The following CAPZB variants were observed in gnomAD, a reference collection of about 807,000 sequenced individuals.
The protein encoded by CAPZB is capping actin protein of muscle Z-line subunit beta, also known as F-actin-capping protein subunit beta.
A neutral mutation model predicts 38.1 loss-of-function variants in CAPZB; 2 were observed. The ratio of observed to expected loss-of-function variants is 0.05; its 90% CI spans 0.02 to 0.17. CAPZB has a LOEUF of 0.17. Among genes scored for constraint, CAPZB ranks in the 10% least tolerant of loss-of-function variants. The pLI is 1.00. For missense variants in CAPZB, 161 were observed against 334.2 expected, an observed-to-expected ratio of 0.48 and a Z score of 4.04; for synonymous variants, 107 against 127.4, an observed-to-expected ratio of 0.84 and a Z score of 1.08.
chr1:19,485,302 C>T, intron 1 of CAPZB, 134 bp downstream of exon 1: 1 of 547,788 alleles, frequency 1.8e-6, no homozygotes, highest in East Asian at 3.5e-5. Context: ...GGGACCGGGT[C>T]CACCCAGGGT....
intron 2 of CAPZB, among the ~76,000 whole-genome samples, chr1:19,399,771 T>C (rs529227650): frequency 6.6e-4 from 100 of 152,312 alleles, no homozygotes; most frequent in African/African-American, 2.3e-3. Context: ...TTTCCAAATG[T>C]TTGAAAACCA....
chr1:19,471,557 TC>T (rs2100778379), intron 1 of CAPZB, among the ~76,000 whole-genome samples: 1 of 114,878 alleles, frequency 8.7e-6, no homozygotes, highest in East Asian at 2.4e-4. Flanking sequence ...CCAGTTCTTG[TC>T]TGTTACGTCG....
intron 1 of CAPZB, among the ~76,000 whole-genome samples, chr1:19,481,604 C>G (rs2094628888): frequency 6.6e-6 from 1 of 152,180 alleles, no homozygotes; most frequent in Non-Finnish European, 1.5e-5. Flanking sequence ...ACAGGCTGGA[C>G]AAAGCTACCC....
At chr1:19,483,490 CCA>C (rs1271996896) in intron 1 of CAPZB, among the ~76,000 whole-genome samples, 3 of 152,240 alleles carry the variant, frequency 2.0e-5, no homozygotes, top group Non-Finnish European at 4.4e-5. Flanking sequence ...GTGAAGCACA[CCA>C]CAGTGACTGG....
At position 19,452,877 on chromosome 1, in the gene CAPZB, C is replaced by A. The variant is rs943231821; in HGVS notation, c.3+32559G>T. Among the ~76,000 whole-genome samples, 4 of 149,740 alleles carry A rather than the reference C, an allele frequency of 2.7e-5. No individual in the cohort carries two copies. In the Admixed American group the frequency reaches 2.7e-4, roughly 10 times the overall value. On this transcript the variant is annotated intron_variant, in intron 1 of 8. Transcript: ENST00000264202. ...AGAATGCAGTGGAGCGCTCTTGGCTCACTGCAACCTCTGCCTCCTGAGTTC... is the reference window on the plus strand; with the variant it reads ...AGAATGCAGTGGAGCGCTCTTGGCTAACTGCAACCTCTGCCTCCTGAGTTC...
At chr1:19,354,050 A>G (rs17477654) in intron 6 of CAPZB, among the ~76,000 whole-genome samples, 28,774 of 152,280 alleles carry the variant, frequency 0.19, 3,242 homozygotes, top group South Asian at 0.3. Flanking sequence ...AATTAAGACC[A>G]AAACAGTTGT....
At chr1:19,390,559 G>C (rs1212669594) in intron 2 of CAPZB, among the ~76,000 whole-genome samples, 1 of 152,188 alleles carries the variant, frequency 6.6e-6, no homozygotes, top group Non-Finnish European at 1.5e-5. Flanking sequence ...TCTGGTGGGA[G>C]TTCAGGGCTC....
At chr1:19,455,051 G>T (rs1875325) in intron 1 of CAPZB, among the ~76,000 whole-genome samples, 56,130 of 152,180 alleles carry the variant, frequency 0.37, 10,367 homozygotes, top group East Asian at 0.43. Flanking sequence ...CCAGGATGCG[G>T]AGGGCCCGGA....
chr1:19,385,061 G>A (rs909435334), intron 3 of CAPZB, among the ~76,000 whole-genome samples: 6 of 152,172 alleles, frequency 3.9e-5, no homozygotes, highest in Non-Finnish European at 8.8e-5. Context: ...GAGGAGAGTT[G>A]TGTATCTGAC....
At chr1:19,482,623 C>T (rs1471546637) in intron 1 of CAPZB, among the ~76,000 whole-genome samples, 2 of 152,200 alleles carry the variant, frequency 1.3e-5, no homozygotes, top group African/African-American at 2.4e-5. Context: ...ATTCCATTTG[C>T]CTATGCATTT....
intron 1 of CAPZB, chr1:19,484,648 C>A: frequency 8.6e-7 from 1 of 1,165,674 alleles, no homozygotes; most frequent in African/African-American, 1.6e-5. Context: ...AAAGAAGGCG[C>A]GCCCCAGGTA....
At chr1:19,471,316 C>A (rs1272038905) in intron 1 of CAPZB, among the ~76,000 whole-genome samples, 1 of 152,146 alleles carries the variant, frequency 6.6e-6, no homozygotes, top group Non-Finnish European at 1.5e-5. Context: ...ATCACTCTTT[C>A]CCCATTTGTT....
chr1:19,438,739 A>T (rs114424922), intron 1 of CAPZB, among the ~76,000 whole-genome samples: 3,959 of 152,302 alleles, frequency 0.026, 71 homozygotes, highest in African/African-American at 0.041. Context: ...CACATGAGGT[A>T]CTCACATCAG....
chr1:19,417,315 T>C (rs2094384452), intron 2 of CAPZB, among the ~76,000 whole-genome samples: 2 of 152,336 alleles, frequency 1.3e-5, no homozygotes, highest in South Asian at 4.1e-4. Flanking sequence ...ATGTTTGGCT[T>C]ATTTCTAAAA....
At chr1:19,429,292 A>G (rs2094434565) in intron 1 of CAPZB, among the ~76,000 whole-genome samples, 1 of 152,180 alleles carries the variant, frequency 6.6e-6, no homozygotes, top group Non-Finnish European at 1.5e-5. Context: ...ACAAAAAAAA[A>G]AAAGAAACTC....
intron 6 of CAPZB, among the ~76,000 whole-genome samples, chr1:19,350,139 A>G (rs2093983894): frequency 6.6e-6 from 1 of 152,150 alleles, no homozygotes; most frequent in South Asian, 2.1e-4. Context: ...CCTTTCCCCC[A>G]GAGGGGATGT....
chr1:19,401,209 GA>G (rs71577891), intron 2 of CAPZB, among the ~76,000 whole-genome samples: 17 of 143,912 alleles, frequency 1.2e-4, no homozygotes, highest in Middle Eastern at 3.6e-3. Flanking sequence ...AACCAAAAAG[GA>G]AAAAAAAAAA....
intron 4 of CAPZB, among the ~76,000 whole-genome samples, chr1:19,376,151 C>T (rs1320909359): frequency 6.6e-6 from 1 of 152,198 alleles, no homozygotes; most frequent in Non-Finnish European, 1.5e-5. Flanking sequence ...GAATCACCCC[C>T]ACCTCCATAT....
intron 1 of CAPZB, among the ~76,000 whole-genome samples, chr1:19,427,622 C>CT (rs1250026046): frequency 2.1e-5 from 3 of 145,004 alleles, no homozygotes; most frequent in African/African-American, 7.9e-5. Flanking sequence ...CTCTGGAAAA[C>CT]TGCACATTTT....
Sources: allele counts gnomAD v4.1 joint callset (sites outside exome capture counted in the v4.1 genomes callset), GRCh38; gene constraint gnomAD v4.1.1; transcripts MANE v1.5; gene names NCBI Gene and HGNC (gene_info 2026-07-23, HGNC 2026-07-21).